TRIO: variants seen among roughly 807,000 people sequenced by gnomAD.
TRIO encodes trio Rho guanine nucleotide exchange factor, also known as triple functional domain protein.
Under a neutral mutation model 351.9 loss-of-function variants are expected in TRIO, and 58 were observed. The ratio of observed to expected loss-of-function variants is 0.16; its 90% CI spans 0.13 to 0.21. The LOEUF (loss-of-function observed/expected upper bound fraction) is 0.21, where lower values mean the gene tolerates loss of function less well. Ranked by LOEUF, TRIO falls within the 10% of genes least tolerant of loss-of-function variation. TRIO has a pLI of 1.00. For synonymous variants in TRIO, 1,758 were observed against 1,595.7 expected (o/e 1.10, Z -2.42); for missense variants, 3,201 against 4,027.8 (o/e 0.79, Z 5.56).
chr5:14,307,304 A>G (rs1269499637), intron 8 of TRIO, among the ~76,000 whole-genome samples: 3 of 152,172 alleles, frequency 2.0e-5, no homozygotes, highest in African/African-American at 4.8e-5. Flanking sequence ...AAGTGTTCCA[A>G]TGATGCCCCT....
intron 1 of TRIO, 83 bp downstream of exon 1, chr5:14,143,965 C>A: frequency 9.2e-6 from 9 of 981,050 alleles, no homozygotes; most frequent in Non-Finnish European, 1.1e-5. Flanking sequence ...GAGCTCCGGC[C>A]ACCGCGCGCT....
At chr5:14,400,031 G>A (rs910796043) in intron 30 of TRIO, among the ~76,000 whole-genome samples, 5 of 152,084 alleles carry the variant, frequency 3.3e-5, no homozygotes, top group Admixed American at 1.3e-4. Context: ...AAATGTCCCC[G>A]AGTATGGAAA....
intron 48 of TRIO, chr5:14,488,917 C>G (rs1324645079): frequency 5.3e-6 from 4 of 760,620 alleles, no homozygotes; most frequent in Non-Finnish European, 9.6e-6. Context: ...CTGCTGGGCT[C>G]TGGCCTCGTT....
intron 1 of TRIO, among the ~76,000 whole-genome samples, chr5:14,210,792 A>G (rs2152192404): frequency 6.6e-6 from 1 of 152,340 alleles, no homozygotes; most frequent in South Asian, 2.1e-4. Context: ...TTCTACGTAC[A>G]GTTAAAATTA....
chr5:14,372,188 T>G lies in TRIO; in HGVS notation c.3217-2041T>G, dbSNP rs1044064459. Among the ~76,000 whole-genome samples, 6 of 128,142 alleles carry G rather than the reference T, an allele frequency of 4.7e-5. No individual in the cohort carries two copies. The East Asian group carries it at 7.4e-4, about 16-fold the overall frequency. The allele number at this position is 128,142 out of a possible 152,430, so 84.1% of individuals were successfully genotyped here. A position where few individuals can be genotyped will look rare whatever the true frequency, so the allele number is the denominator to read the frequency against. Reference sequence around the variant, plus strand: ...TAGATTTTTGTTAGGTTGTGAGCCTTGATCAGAGCTGGTTTGAAAGGCGGA... The same window carrying G: ...TAGATTTTTGTTAGGTTGTGAGCCTGGATCAGAGCTGGTTTGAAAGGCGGA... On this transcript the variant is annotated intron_variant, in intron 18 of 56. Transcript: ENST00000344204.
rs1788346004 is a variant in TRIO, at chr5:14,159,850, C to G, written c.157+15968C>G. On this transcript the variant is annotated intron_variant, in intron 1 of 56. Transcript: ENST00000344204. ...AAAGTGCTGGGATTACAGGCGTGAGCCACCGCGTCCGGCCGAGCTTTATAT... is the reference window on the plus strand; with the variant it reads ...AAAGTGCTGGGATTACAGGCGTGAGGCACCGCGTCCGGCCGAGCTTTATAT... Among the ~76,000 whole-genome samples the G allele has an allele frequency of 2.6e-5, 4 of 152,314 alleles. No homozygotes were observed. The South Asian group carries it at 8.3e-4, about 32-fold the overall frequency.
intron 36 of TRIO, among the ~76,000 whole-genome samples, chr5:14,463,799 C>T (rs1235856908): frequency 6.6e-6 from 1 of 152,068 alleles, no homozygotes; most frequent in African/African-American, 2.4e-5. Flanking sequence ...AGTCACTTGC[C>T]AGATTAATCA....
chr5:14,498,324 C>A lies in TRIO; in HGVS notation c.8210+73C>A. On this transcript the variant is annotated intron_variant, in intron 52 of 56. Transcript: ENST00000344204. ...CTTGTCACTTGGCAACTGGAAATTCCTCCTTCACGGATGGATTTCTTTGGC... is the reference window on the plus strand; with the variant it reads ...CTTGTCACTTGGCAACTGGAAATTCATCCTTCACGGATGGATTTCTTTGGC... 1.9e-6 allele frequency: 3 copies of A among 1,573,848 alleles called. No individual in the cohort carries two copies. In the South Asian group the frequency reaches 3.4e-5, roughly 18 times the overall value.
chr5:14,305,090 G>A (rs187186235), intron 8 of TRIO, among the ~76,000 whole-genome samples: 7 of 152,312 alleles, frequency 4.6e-5, no homozygotes, highest in Admixed American at 1.3e-4. Context: ...ATGCCAGACT[G>A]TATTGTAAGG....
chr5:14,307,350 CG>C lies in TRIO; in HGVS notation c.1500+2759del, dbSNP rs1581582229. Among the ~76,000 whole-genome samples, 3 of 152,278 alleles carry C rather than the reference CG, an allele frequency of 2.0e-5. No individual in the cohort carries two copies. The East Asian group carries it at 5.8e-4, about 29-fold the overall frequency. ...GTCTGGGGCACTGTCCAGCAATGTGCGCTACATTTAATTGCCATGTCTTACC... is the reference window on the plus strand; with the variant it reads ...GTCTGGGGCACTGTCCAGCAATGTGCCTACATTTAATTGCCATGTCTTACC... On this transcript the variant is annotated intron_variant, in intron 8 of 56. Coordinates refer to ENST00000344204, the MANE Select transcript of TRIO (RefSeq NM_007118.4).
chr5:14,144,333 A>T (rs1348810151), intron 1 of TRIO, among the ~76,000 whole-genome samples: 1 of 151,984 alleles, frequency 6.6e-6, no homozygotes, highest in Non-Finnish European at 1.5e-5. Flanking sequence ...TTGGTCTTTG[A>T]TCTGTGCCTG....
At chr5:14,272,670 A>G (rs1458142433) in intron 2 of TRIO, among the ~76,000 whole-genome samples, 1 of 152,176 alleles carries the variant, frequency 6.6e-6, no homozygotes. Context: ...GATATTAGCG[A>G]TGGTAGAGCT....
chr5:14,242,247 A>G (rs1344721318), intron 1 of TRIO, among the ~76,000 whole-genome samples: 1 of 152,234 alleles, frequency 6.6e-6, no homozygotes, highest in East Asian at 1.9e-4. Flanking sequence ...TGACTAACAG[A>G]AAGCTCTTTT....
intron 1 of TRIO, among the ~76,000 whole-genome samples, chr5:14,180,163 C>T (rs114318244): frequency 2.0e-3 from 290 of 145,810 alleles, no homozygotes; most frequent in African/African-American, 7.0e-3. Context: ...AAAGCCTATG[C>T]GTTATATTCC....
intron 1 of TRIO, among the ~76,000 whole-genome samples, chr5:14,202,119 TAAAAAAA>T (rs977159702): frequency 1.4e-5 from 2 of 142,560 alleles, no homozygotes. Context: ...AGGTATAATT[TAAAAAAA>T]AAAAAGAAAA....
chr5:14,143,869 C>A lies in TRIO; in HGVS notation c.144C>A (p.Ala48=). The change falls in exon 1 of 57, where the codon GCC becomes GCA. Residue 48 remains alanine (A), a synonymous_variant. Transcript: ENST00000344204. Reference sequence around the variant, plus strand: ...CCAAGGACCTGGCCGACATCGCGGCCTTCTTCCGATCCGGTGAGTGCAACT... The same window carrying A: ...CCAAGGACCTGGCCGACATCGCGGCATTCTTCCGATCCGGTGAGTGCAACT... ...EAAKDLADIA[A]FFRSGFRKND... 3 of 1,076,606 alleles carry A rather than the reference C, an allele frequency of 2.8e-6. No individual in the cohort carries two copies. The highest frequency in any genetic ancestry group is 1.7e-5 in the African/African-American group (1 of 59,216). The allele number at this position is 1,076,606 out of a possible 1,614,324, so 66.7% of individuals were successfully genotyped here.
At chr5:14,254,690 G>T (rs939455248) in intron 1 of TRIO, among the ~76,000 whole-genome samples, 2 of 152,168 alleles carry the variant, frequency 1.3e-5, no homozygotes, top group African/African-American at 4.8e-5. Context: ...AGCATAAGTG[G>T]GTTATTGTAT....
intron 1 of TRIO, 109 bp from the exon 2 acceptor site, chr5:14,270,716 A>T: frequency 1.3e-6 from 1 of 787,978 alleles, no homozygotes. Context: ...TCTTAAGTTG[A>T]TTTAATGGAT....
intron 11 of TRIO, among the ~76,000 whole-genome samples, chr5:14,340,630 A>G (rs1741859523): frequency 6.6e-6 from 1 of 152,090 alleles, no homozygotes; most frequent in Admixed American, 6.5e-5. Flanking sequence ...GGTCATAACA[A>G]CTCACTTTAA....
Sources: gnomAD v4.1 joint callset for allele counts (sites outside exome capture counted in the v4.1 genomes callset) on GRCh38, gnomAD v4.1.1 for gene constraint, MANE v1.5 for transcripts, NCBI Gene and HGNC (gene_info 2026-07-23, HGNC 2026-07-21) for gene names.